ERFL: variants seen among roughly 807,000 people sequenced by gnomAD.
The protein encoded by ERFL is ETS domain-containing transcription factor ERF-like.
Under a neutral mutation model 27.9 loss-of-function variants are expected in ERFL, and 8 were observed. The ratio of observed to expected loss-of-function variants is 0.29; its 90% CI spans 0.17 to 0.52. ERFL has a LOEUF of 0.52. Ranked by LOEUF, ERFL falls within the 20% of genes least tolerant of loss-of-function variation. The pLI is 0.97. For synonymous variants in ERFL, 174 were observed against 202.8 expected (o/e 0.86, Z 1.21); for missense variants, 294 against 444.4 (o/e 0.66, Z 3.04).
At chr19:41,924,613 C>A (rs1252282488) in intron 1 of ERFL, among the ~76,000 whole-genome samples, 3 of 152,098 alleles carry the variant, frequency 2.0e-5, no homozygotes, top group African/African-American at 7.2e-5. Flanking sequence ...CAAGCACCTG[C>A]TACTCAGAGA....
Position 41,917,717 on chromosome 19 carries a change from T to C in ERFL, c.-13-4785A>G, listed in dbSNP as rs1452105334. ...CACGTTCAGGCACAATCTGGGGACA[T>C]ATCTCTCCTTACGCCACACGCCCAT... On this transcript the variant is annotated intron_variant, in intron 1 of 5. Transcript: ENST00000597630. This position sits in a 1 kb window ranked among gnomAD's most constrained non-coding sequence, Gnocchi z 4.8. 6.6e-6 allele frequency among the ~76,000 whole-genome samples: 1 copy of C among 151,340 alleles called. No homozygotes were observed. Among genetic ancestry groups the C allele is most frequent in the Non-Finnish European group, 1.5e-5 (1 of 67,872 alleles).
intron 1 of ERFL, among the ~76,000 whole-genome samples, chr19:41,920,919 C>CTCTCTG (rs1555852428): frequency 6.6e-6 from 1 of 152,160 alleles, no homozygotes; most frequent in Non-Finnish European, 1.5e-5. Context: ...CTGTCTCTCC[C>CTCTCTG]TCTCTGTCTC....
chr19:41,913,370 TC>T (rs2074766112), intron 1 of ERFL, among the ~76,000 whole-genome samples: 3 of 146,796 alleles, frequency 2.0e-5, no homozygotes, highest in African/African-American at 7.5e-5. Flanking sequence ...CGTCTCTGGG[TC>T]TCCCTCTGTC....
Position 41,921,180 on chromosome 19 carries a change from T to A in ERFL, c.-14+6860A>T, listed in dbSNP as rs1235837631. 6.6e-6 allele frequency among the ~76,000 whole-genome samples: 1 copy of A among 151,528 alleles called. No homozygotes were observed. Among genetic ancestry groups the A allele is most frequent in the African/African-American group, 2.4e-5 (1 of 41,156 alleles). On this transcript the variant is annotated intron_variant, in intron 1 of 5. Transcript: ENST00000597630. This position sits in a 1 kb window ranked among gnomAD's most constrained non-coding sequence, Gnocchi z 4.4. ...GAGGCGAGGCGGAGGGAGGTCTGGC[T>A]GCTCCCCAACCTCACTCGTGGACCC...
At chr19:41,914,440 G>GT (rs1251287398) in intron 1 of ERFL, among the ~76,000 whole-genome samples, 1 of 150,258 alleles carries the variant, frequency 6.7e-6, no homozygotes, top group Non-Finnish European at 1.5e-5. Flanking sequence ...TCTCTTCCCT[G>GT]TTTCTCCATC....
At chr19:41,913,004 G>T in intron 1 of ERFL, 72 bp from the exon 2 acceptor site, 1 of 632,344 alleles carries the variant, frequency 1.6e-6, no homozygotes, top group Non-Finnish European at 2.3e-6. Context: ...CCAGCGGGGC[G>T]CTGCCCGGGG....
Position 41,919,512 on chromosome 19 carries a change from T to TACACACAC in ERFL, c.-13-6588_-13-6581dup, listed in dbSNP as rs60525805. Among the ~76,000 whole-genome samples the TACACACAC allele has an allele frequency of 2.3e-3, 339 of 146,586 alleles. 2 individuals are homozygous for TACACACAC. Among genetic ancestry groups the TACACACAC allele is most frequent in the African/African-American group, 8.0e-3 (321 of 40,220 alleles). ...CCACCCACGTGTGCACGTGCACGCGTACACACACACACACACACACACACG... is the reference window on the plus strand; with the variant it reads ...CCACCCACGTGTGCACGTGCACGCGTACACACACACACACACACACACACACACACACG... On this transcript the variant is annotated intron_variant, in intron 1 of 5. Coordinates refer to ENST00000597630, the MANE Select transcript of ERFL (RefSeq NM_001365103.2).
intron 1 of ERFL, among the ~76,000 whole-genome samples, chr19:41,922,715 G>T (rs1204811049): frequency 2.0e-5 from 3 of 152,166 alleles, no homozygotes; most frequent in Admixed American, 6.5e-5. Context: ...ATCCCACAAG[G>T]GCCGGGGTCC....
chr19:41,920,236 C>T (rs1023626498), intron 1 of ERFL, among the ~76,000 whole-genome samples: 3 of 116,824 alleles, frequency 2.6e-5, no homozygotes, highest in Non-Finnish European at 3.4e-5. Context: ...TCAGACGTGA[C>T]GTGCTCAGAC....
chr19:41,908,904 C>A lies in ERFL; in HGVS notation c.616+156G>T, dbSNP rs782344354. ...TGTCTCCCTCATTTCCCCTCCCTCA[C>A]ATCACATCCTTTTCTGGGTTTTACA... On this transcript the variant is annotated intron_variant, in intron 5 of 5. Coordinates refer to ENST00000597630, the MANE Select transcript of ERFL (RefSeq NM_001365103.2). The surrounding 1 kb of genome is among the most constrained non-coding windows in gnomAD (Gnocchi z 6.7). 6.6e-6 allele frequency among the ~76,000 whole-genome samples: 1 copy of A among 151,882 alleles called. No homozygotes were observed. Among genetic ancestry groups the A allele is most frequent in the Non-Finnish European group, 1.5e-5 (1 of 67,928 alleles).
At chr19:41,919,863 C>G (rs782196135) in intron 1 of ERFL, among the ~76,000 whole-genome samples, 3 of 152,134 alleles carry the variant, frequency 2.0e-5, no homozygotes, top group South Asian at 2.1e-4. Context: ...GGCACAACTC[C>G]AGAGCTTTGG....
intron 1 of ERFL, among the ~76,000 whole-genome samples, chr19:41,919,963 C>G (rs1399661805): frequency 7.0e-6 from 1 of 142,068 alleles, no homozygotes; most frequent in East Asian, 2.1e-4. Flanking sequence ...GACGAACTCA[C>G]AGACATGACA....
At chr19:41,922,402 G>A (rs554040283) in intron 1 of ERFL, among the ~76,000 whole-genome samples, 12 of 152,276 alleles carry the variant, frequency 7.9e-5, no homozygotes, top group Non-Finnish European at 1.6e-4. Context: ...TAGGGATGGA[G>A]CCGAGAGCTA....
intron 1 of ERFL, among the ~76,000 whole-genome samples, chr19:41,920,284 C>T (rs151263181): frequency 8.1e-4 from 105 of 130,104 alleles, no homozygotes; most frequent in Non-Finnish European, 1.5e-3. Context: ...GACATGATAA[C>T]GCTCACAGAC....
intron 2 of ERFL, among the ~76,000 whole-genome samples, chr19:41,912,196 C>A: frequency 6.6e-6 from 1 of 152,330 alleles, no homozygotes; most frequent in East Asian, 1.9e-4. Flanking sequence ...CACACAAAGA[C>A]AGGCTGTGCA....
chr19:41,914,710 A>ATCTCTG lies in ERFL; in HGVS notation c.-13-1784_-13-1779dup, dbSNP rs1253655344. 3.8e-3 allele frequency among the ~76,000 whole-genome samples: 16 copies of ATCTCTG among 4,214 alleles called. 5 individuals are homozygous for ATCTCTG. The highest frequency in any genetic ancestry group is 6.1e-3 in the Admixed American group (2 of 330). 2.8% of individuals were successfully genotyped at this position (4,214 alleles called of 152,430 possible). A position where few individuals can be genotyped will look rare whatever the true frequency, so the allele number is the denominator to read the frequency against. ...CTCTGTCTCTCCCTCCCCTTCCACC[A>ATCTCTG]TCTCTGTCTCTCCCTCCCCTTCCAC... On this transcript the variant is annotated intron_variant, in intron 1 of 5. Coordinates refer to ENST00000597630, the MANE Select transcript of ERFL (RefSeq NM_001365103.2).
chr19:41,915,176 A>C (rs2074792652), intron 1 of ERFL, among the ~76,000 whole-genome samples: 1 of 91,062 alleles, frequency 1.1e-5, no homozygotes, highest in African/African-American at 4.5e-5. Context: ...GTTGGTTTTG[A>C]TTTCTCTTCC....
chr19:41,920,576 G>A (rs558165653), intron 1 of ERFL, among the ~76,000 whole-genome samples: 3 of 151,472 alleles, frequency 2.0e-5, no homozygotes, highest in African/African-American at 4.9e-5. Flanking sequence ...ACTCACAGAC[G>A]TGATGCACTC....
In ERFL at chr19:41,910,276, A is replaced by G. The variant is rs1440439905; in HGVS notation, c.68-179T>C. Among the ~76,000 whole-genome samples, 1 of 152,050 alleles carries G rather than the reference A, an allele frequency of 6.6e-6. No homozygotes were observed. The highest frequency in any genetic ancestry group is 1.5e-5 in the Non-Finnish European group (1 of 67,974). On this transcript the variant is annotated intron_variant, in intron 2 of 5. Coordinates refer to ENST00000597630, the MANE Select transcript of ERFL (RefSeq NM_001365103.2). The surrounding 1 kb of genome is among the most constrained non-coding windows in gnomAD (Gnocchi z 4.4). ...TGTGTCTGGTCCCCAAATTACCCAAATAAGGGCAAGAACCCAGTCATCCAG... is the reference window on the plus strand; with the variant it reads ...TGTGTCTGGTCCCCAAATTACCCAAGTAAGGGCAAGAACCCAGTCATCCAG...
Sources: gnomAD v4.1 joint callset for allele counts (sites outside exome capture counted in the v4.1 genomes callset) on GRCh38, gnomAD v4.1.1 for gene constraint, Gnocchi (gnomAD v3.1) non-coding constraint, MANE v1.5 for transcripts, NCBI Gene and HGNC (gene_info 2026-07-23, HGNC 2026-07-21) for gene names.